Variants in KCNIP4 observed in about 807,000 individuals in gnomAD.
KCNIP4 encodes potassium voltage-gated channel interacting protein 4.
Under a neutral mutation model 34.0 loss-of-function variants are expected in KCNIP4, and 12 were observed. The observed-to-expected ratio is 0.35, with a 90% confidence interval of 0.23 to 0.57. The LOEUF (loss-of-function observed/expected upper bound fraction) is 0.57, where lower values mean the gene tolerates loss of function less well. Ranked by LOEUF, KCNIP4 falls within the 20% of genes least tolerant of loss-of-function variation. The probability of loss-of-function intolerance (pLI) is 0.83; values close to 1 mark genes in which losing one functional copy is unlikely to be tolerated. For missense variants in KCNIP4, 238 were observed against 311.7 expected, an observed-to-expected ratio of 0.76 and a Z score of 1.78; for synonymous variants, 124 against 102.2, an observed-to-expected ratio of 1.21 and a Z score of -1.29.
At chr4:21,029,721 C>T (rs1740842970) in intron 1 of KCNIP4, among the ~76,000 whole-genome samples, 1 of 152,150 alleles carries the variant, frequency 6.6e-6, no homozygotes, top group African/African-American at 2.4e-5. Flanking sequence ...AGCATCATGT[C>T]TATTTGCACT....
chr4:20,882,320 AT>A (rs1402887055), intron 2 of KCNIP4, among the ~76,000 whole-genome samples: 3 of 152,132 alleles, frequency 2.0e-5, no homozygotes, highest in Non-Finnish European at 4.4e-5. Flanking sequence ...AGCAATAGGA[AT>A]TCCTACAGTT....
intron 1 of KCNIP4, among the ~76,000 whole-genome samples, chr4:21,747,053 T>C (rs1336519341): frequency 6.6e-6 from 1 of 152,188 alleles, no homozygotes; most frequent in Admixed American, 6.5e-5. Flanking sequence ...AAATTTAGTT[T>C]CAATTCTATT....
chr4:20,783,031 A>T (rs1414457598), intron 3 of KCNIP4, among the ~76,000 whole-genome samples: 4 of 152,220 alleles, frequency 2.6e-5, no homozygotes, highest in African/African-American at 9.6e-5. Flanking sequence ...AAATCTCTGC[A>T]GCAGAAGCAA....
intron 1 of KCNIP4, among the ~76,000 whole-genome samples, chr4:21,339,491 A>C (rs1055264318): frequency 1.3e-4 from 20 of 152,232 alleles, no homozygotes; most frequent in African/African-American, 4.8e-4. Context: ...CCATACCTTA[A>C]GAGACTTTTT....
intron 1 of KCNIP4, among the ~76,000 whole-genome samples, chr4:21,899,042 T>C (rs1263144516): frequency 1.3e-5 from 2 of 152,178 alleles, no homozygotes; most frequent in South Asian, 2.1e-4. Context: ...TTGTGATTTG[T>C]GTCAGCTTAG....
At chr4:21,580,484 T>A (rs1560533106) in intron 1 of KCNIP4, among the ~76,000 whole-genome samples, 2 of 152,140 alleles carry the variant, frequency 1.3e-5, no homozygotes, top group Non-Finnish European at 1.5e-5. Flanking sequence ...TGGGATTGCT[T>A]AATATCAGCT....
At chr4:21,920,355 A>G (rs547806383) in intron 1 of KCNIP4, among the ~76,000 whole-genome samples, 32 of 152,276 alleles carry the variant, frequency 2.1e-4, no homozygotes, top group African/African-American at 7.5e-4. Context: ...TTCCTAAACT[A>G]TATAGAATTA....
At chr4:20,771,439 A>G (rs1323461253) in intron 3 of KCNIP4, among the ~76,000 whole-genome samples, 2 of 152,202 alleles carry the variant, frequency 1.3e-5, no homozygotes, top group African/African-American at 4.8e-5. Flanking sequence ...TTCTAACATA[A>G]GCTACAACCT....
chr4:21,605,163 A>G (rs1391760947), intron 1 of KCNIP4, among the ~76,000 whole-genome samples: 2 of 152,198 alleles, frequency 1.3e-5, no homozygotes, highest in African/African-American at 4.8e-5. Flanking sequence ...TGACATAAAC[A>G]TGAACACTAG....
intron 1 of KCNIP4, chr4:21,848,684 G>C (rs766671190): frequency 6.6e-6 from 1 of 152,070 alleles, no homozygotes; most frequent in Non-Finnish European, 1.5e-5. Context: ...AGAGGTTCTT[G>C]ATCATCACCG....
intron 1 of KCNIP4, among the ~76,000 whole-genome samples, chr4:21,408,702 A>G (rs566955194): frequency 8.5e-4 from 129 of 152,168 alleles, no homozygotes; most frequent in Non-Finnish European, 1.6e-3. Flanking sequence ...TAGACTTGGA[A>G]TTATATTTCT....
At chr4:21,222,753 C>G (rs1183157067) in intron 1 of KCNIP4, among the ~76,000 whole-genome samples, 1 of 152,074 alleles carries the variant, frequency 6.6e-6, no homozygotes, top group African/African-American at 2.4e-5. Context: ...TTTGTTTTTG[C>G]TTTGTAGAAC....
At chr4:21,855,081 A>G (rs1724665832) in intron 1 of KCNIP4, among the ~76,000 whole-genome samples, 1 of 152,176 alleles carries the variant, frequency 6.6e-6, no homozygotes, top group South Asian at 2.1e-4. Context: ...AGGATTTTAA[A>G]GGTCATTTAA....
intron 1 of KCNIP4, among the ~76,000 whole-genome samples, chr4:21,864,609 G>T (rs1011144499): frequency 1.3e-5 from 2 of 152,146 alleles, no homozygotes; most frequent in East Asian, 1.9e-4. Context: ...TTAGAACAAG[G>T]TATATATTTT....
chr4:20,776,115 A>G (rs1756347582), intron 3 of KCNIP4, among the ~76,000 whole-genome samples: 1 of 152,108 alleles, frequency 6.6e-6, no homozygotes, highest in South Asian at 2.1e-4. Context: ...GCTCATGGAT[A>G]GTCTAGACAT....
chr4:21,360,446 G>C (rs1047861132), intron 1 of KCNIP4, among the ~76,000 whole-genome samples: 1 of 151,972 alleles, frequency 6.6e-6, no homozygotes, highest in Non-Finnish European at 1.5e-5. Flanking sequence ...GTTGATTTTG[G>C]TCTTTAGTTT....
rs1260048039 is a variant in KCNIP4 at position 21,630,036 on chromosome 4, TG to T, written c.61+318534del. 7.8e-3 allele frequency among the ~76,000 whole-genome samples: 479 copies of T among 61,024 alleles called. 10 individuals are homozygous for T. The South Asian group carries it at 0.099, about 13-fold the overall frequency. The allele number at this position is 61,024 out of a possible 152,430, so 40.0% of individuals were successfully genotyped here. A position where few individuals can be genotyped will look rare whatever the true frequency, so the allele number is the denominator to read the frequency against. ...TGGCTAATTTTTTTTTTTTTTTTTT[TG>T]ACTTTTTGTAGAGACGAGGTCTAGC... On this transcript the variant is annotated intron_variant, in intron 1 of 8. Transcript: ENST00000382152.
At chr4:20,951,385 A>G (rs1032510721) in intron 1 of KCNIP4, among the ~76,000 whole-genome samples, 5 of 152,244 alleles carry the variant, frequency 3.3e-5, no homozygotes, top group African/African-American at 1.2e-4. Context: ...GAAATTTGGT[A>G]GAAGTATTAG....
chr4:21,567,434 C>T (rs528257683), intron 1 of KCNIP4, among the ~76,000 whole-genome samples: 16 of 152,066 alleles, frequency 1.1e-4, no homozygotes, highest in Non-Finnish European at 2.2e-4. Flanking sequence ...TTTCTTGCTT[C>T]TTGGATGAAT....
Sources: gnomAD v4.1 joint callset for allele counts (sites outside exome capture counted in the v4.1 genomes callset) on GRCh38, gnomAD v4.1.1 for gene constraint, MANE v1.5 for transcripts, NCBI Gene and HGNC (gene_info 2026-07-23, HGNC 2026-07-21) for gene names.